PTPRD: variants seen among roughly 807,000 people sequenced by gnomAD.
PTPRD encodes protein tyrosine phosphatase receptor type D.
Under a neutral mutation model 214.5 loss-of-function variants are expected in PTPRD, and 34 were observed. The observed-to-expected ratio is 0.16, with a 90% CI of 0.12 to 0.21. The LOEUF (loss-of-function observed/expected upper bound fraction) is 0.21, where lower values mean the gene tolerates loss of function less well. Ranked by LOEUF, PTPRD falls within the 10% of genes least tolerant of loss-of-function variation. The pLI, the probability that PTPRD is intolerant of heterozygous loss-of-function variation, is 1.00. For missense variants in PTPRD, 2,545 were observed against 2,398.7 expected (o/e 1.06, Z -1.27); for synonymous variants, 1,128 against 845.7 (o/e 1.33, Z -5.79).
intron 11 of PTPRD, among the ~76,000 whole-genome samples, chr9:8,883,398 C>T (rs2098462368): frequency 6.6e-6 from 1 of 152,192 alleles, no homozygotes; most frequent in Non-Finnish European, 1.5e-5. Flanking sequence ...ACACTTAAGC[C>T]AGCAGCTGTT....
At chr9:9,570,026 T>TA (rs1363689126) in intron 8 of PTPRD, among the ~76,000 whole-genome samples, 1 of 151,454 alleles carries the variant, frequency 6.6e-6, no homozygotes, top group Non-Finnish European at 1.5e-5. Context: ...TTCCCATATA[T>TA]TTTTTAGGGA....
intron 3 of PTPRD, among the ~76,000 whole-genome samples, chr9:10,241,847 T>C (rs747485342): frequency 2.0e-5 from 3 of 151,956 alleles, no homozygotes; most frequent in Non-Finnish European, 2.9e-5. Context: ...GTGTTGTCAA[T>C]GATACTGCAA....
chr9:9,513,001 T>C (rs2154246805), intron 8 of PTPRD, among the ~76,000 whole-genome samples: 1 of 152,060 alleles, frequency 6.6e-6, no homozygotes, highest in Admixed American at 6.6e-5. Flanking sequence ...CAAATAAAAA[T>C]CTTTCTTTTG....
chr9:9,923,407 T>TA (rs1278681675), intron 5 of PTPRD, among the ~76,000 whole-genome samples: 1 of 119,114 alleles, frequency 8.4e-6, no homozygotes, highest in South Asian at 2.6e-4. Flanking sequence ...GATTAATCAT[T>TA]AAAAAAATAT....
At chr9:9,994,693 G>T (rs1588433738) in intron 4 of PTPRD, among the ~76,000 whole-genome samples, 1 of 152,260 alleles carries the variant, frequency 6.6e-6, no homozygotes, top group South Asian at 2.1e-4. Flanking sequence ...TAAAGACCAT[G>T]TGCATCTTAA....
intron 4 of PTPRD, among the ~76,000 whole-genome samples, chr9:9,948,200 G>A (rs1217739290): frequency 6.6e-6 from 1 of 152,010 alleles, no homozygotes; most frequent in East Asian, 1.9e-4. Context: ...TGAACATGAG[G>A]CTATCCTCCT....
intron 7 of PTPRD, among the ~76,000 whole-genome samples, chr9:9,649,217 T>C (rs1445608338): frequency 6.6e-6 from 1 of 152,180 alleles, no homozygotes; most frequent in African/African-American, 2.4e-5. Context: ...GTGTACATAT[T>C]AGCAGAATAA....
chr9:9,839,147 C>G (rs1322848688), intron 5 of PTPRD, among the ~76,000 whole-genome samples: 3 of 152,050 alleles, frequency 2.0e-5, no homozygotes, highest in African/African-American at 7.2e-5. Flanking sequence ...GGTACCAGTA[C>G]CATGCTGTTT....
At chr9:9,275,424 G>A (rs1945222047) in intron 9 of PTPRD, among the ~76,000 whole-genome samples, 1 of 149,928 alleles carries the variant, frequency 6.7e-6, no homozygotes, top group South Asian at 2.1e-4. Context: ...AGTGCAGAGG[G>A]GCTGTGAGAT....
chr9:8,550,716 G>C (rs996313221), intron 14 of PTPRD, among the ~76,000 whole-genome samples: 2 of 152,142 alleles, frequency 1.3e-5, no homozygotes, highest in African/African-American at 4.8e-5. Context: ...TAGTATAAAA[G>C]CTCAGCCCTA....
chr9:9,091,805 A>G (rs1325271292), intron 10 of PTPRD, among the ~76,000 whole-genome samples: 4 of 152,230 alleles, frequency 2.6e-5, no homozygotes, highest in Non-Finnish European at 5.9e-5. Flanking sequence ...GGCAAATGGG[A>G]TACTGTTTAC....
chr9:9,906,488 C>T (rs1021849989), intron 5 of PTPRD, among the ~76,000 whole-genome samples: 6 of 151,814 alleles, frequency 4.0e-5, no homozygotes, highest in Non-Finnish European at 7.4e-5. Context: ...TGAAGCTTTT[C>T]GTTTATTTTC....
At chr9:9,940,356 G>C (rs1196475153) in intron 4 of PTPRD, among the ~76,000 whole-genome samples, 1 of 152,096 alleles carries the variant, frequency 6.6e-6, no homozygotes, top group East Asian at 1.9e-4. Context: ...GGAAGCCTGA[G>C]TGCTTTGGAG....
chr9:9,557,318 C>T (rs572997035), intron 8 of PTPRD, among the ~76,000 whole-genome samples: 1 of 152,108 alleles, frequency 6.6e-6, no homozygotes, highest in Non-Finnish European at 1.5e-5. Flanking sequence ...AAACAGAGAT[C>T]TTAAGAATGA....
intron 11 of PTPRD, among the ~76,000 whole-genome samples, chr9:8,999,234 C>A (rs2099408411): frequency 6.6e-6 from 1 of 151,996 alleles, no homozygotes; most frequent in South Asian, 2.1e-4. Flanking sequence ...ACAGAGAAAT[C>A]TTTCATGAAA....
At chr9:10,011,003 A>G (rs1246958877) in intron 4 of PTPRD, among the ~76,000 whole-genome samples, 1 of 152,032 alleles carries the variant, frequency 6.6e-6, no homozygotes, top group Admixed American at 6.6e-5. Context: ...TGGTTAGGAC[A>G]TGGATATACT....
intron 9 of PTPRD, among the ~76,000 whole-genome samples, chr9:9,283,248 T>C (rs955290419): frequency 6.6e-6 from 1 of 151,478 alleles, no homozygotes; most frequent in Admixed American, 6.6e-5. Context: ...CTAATTTTAC[T>C]TCCAAGACCC....
chr9:10,571,198 T>A (rs2067323358), intron 2 of PTPRD, among the ~76,000 whole-genome samples: 1 of 152,202 alleles, frequency 6.6e-6, no homozygotes, highest in South Asian at 2.1e-4. Context: ...AATCTGATTT[T>A]TCTTATGTGA....
chr9:10,216,210 G>C (rs2099540379), intron 3 of PTPRD, among the ~76,000 whole-genome samples: 1 of 151,504 alleles, frequency 6.6e-6, no homozygotes, highest in Non-Finnish European at 1.5e-5. Context: ...GATTCCTGAG[G>C]TTTTTGGCAC....
Sources: gnomAD v4.1 joint callset for allele counts (sites outside exome capture counted in the v4.1 genomes callset) on GRCh38, gnomAD v4.1.1 for gene constraint, MANE v1.5 for transcripts, NCBI Gene and HGNC (gene_info 2026-07-23, HGNC 2026-07-21) for gene names.